Variants in SRC observed in about 807,000 individuals in gnomAD.
SRC encodes proto-oncogene tyrosine-protein kinase Src.
In SRC, 13 loss-of-function variants were observed where a neutral mutation model predicts 62.9. That is an observed-to-expected ratio of 0.21 (90% CI 0.13 to 0.33). The LOEUF (loss-of-function observed/expected upper bound fraction) is 0.33. Ranked by LOEUF, SRC falls within the 10% of genes least tolerant of loss-of-function variation. The probability of loss-of-function intolerance (pLI) is 1.00; values close to 1 mark genes in which losing one functional copy is unlikely to be tolerated. For synonymous variants in SRC, 302 were observed against 317.5 expected (o/e 0.95, Z 0.52); for missense variants, 457 against 737.3 (o/e 0.62, Z 4.40).
Position 37,400,126 on chromosome 20 carries a change from G to A in SRC, c.871G>A (p.Gly291Ser), listed in dbSNP as rs1340705473. 7 of 1,608,374 alleles carry A rather than the reference G, an allele frequency of 4.4e-6. No individual in the cohort carries two copies. Among genetic ancestry groups the A allele is most frequent in the Admixed American group, 3.4e-5 (2 of 59,630 alleles). The change falls in exon 10 of 14, where the codon GGT (glycine) becomes AGT (serine). Residue 291 changes from glycine (G) to serine (S), a missense_variant. Around this residue, in one of 4 missense-constraint regions of SRC, gnomAD observed 168 missense variants for 357.8 expected, o/e 0.47. Coordinates refer to ENST00000373578, the MANE Select transcript of SRC (RefSeq NM_198291.3). ...FGEVWMGTWN[G>S]TTRVAIKTLK... The stretch of plus-strand genomic sequence containing the variant: ...TCCCTCCTCAACAGGGACCTGGAAC[G>A]GTACCACCAGGGTGGCCATCAAAAC...
At chr20:37,387,615 C>T (rs1487902915) in intron 5 of SRC, among the ~76,000 whole-genome samples, 7 of 152,208 alleles carry the variant, frequency 4.6e-5, no homozygotes, top group Non-Finnish European at 7.3e-5. Context: ...AGTCCTGGTG[C>T]GAAGCTACAG....
intron 1 of SRC, among the ~76,000 whole-genome samples, chr20:37,359,234 C>A (rs1278737344): frequency 1.3e-5 from 2 of 152,222 alleles, no homozygotes; most frequent in Non-Finnish European, 1.5e-5. Context: ...GGGGCCCATC[C>A]GTCGGTCTAT....
chr20:37,379,942 TAAAAA>T (rs57772720), intron 2 of SRC, among the ~76,000 whole-genome samples: 2 of 51,464 alleles, frequency 3.9e-5, no homozygotes, highest in Admixed American at 2.5e-4. Context: ...GAGCTTGGAG[TAAAAA>T]AAAAAAAAAA....
In SRC at chr20:37,397,874, C is replaced by T. The variant is rs915984792; in HGVS notation, c.859+20C>T. On this transcript the variant is annotated intron_variant, in intron 9 of 13. Coordinates refer to ENST00000373578, the MANE Select transcript of SRC (RefSeq NM_198291.3). The surrounding 1 kb of genome is among the most constrained non-coding windows in gnomAD (Gnocchi z 4.1). Reference sequence around the variant, plus strand: ...GGATGGGTAAGGCCTGGCCCCTGCCCTCGGGAGAGGCATCCACCCCCCACC... The same window carrying T: ...GGATGGGTAAGGCCTGGCCCCTGCCTTCGGGAGAGGCATCCACCCCCCACC... 3.1e-6 allele frequency: 5 copies of T among 1,598,674 alleles called. No homozygotes were observed. Among genetic ancestry groups the T allele is most frequent in the Non-Finnish European group, 4.3e-6 (5 of 1,174,670 alleles).
rs764712270 is a variant in SRC, at chr20:37,384,221, A to C, written c.68A>C (p.Asn23Thr). ...QRRRSLEPAENVHGAGGGAFP... is the reference protein window; with the variant it reads ...QRRRSLEPAETVHGAGGGAFP... ...CGCCGCAGCCTGGAGCCCGCCGAGA[A>C]CGTGCACGGCGCTGGCGGGGGCGCT... The change falls in exon 4 of 14, where the codon AAC becomes ACC. Residue 23 changes from asparagine to threonine, a missense_variant. Asn to Thr is a moderately conservative substitution (Grantham distance 65). Around this residue, in one of 4 missense-constraint regions of SRC, gnomAD observed 132 missense variants for 135.4 expected, o/e 0.98. Coordinates refer to ENST00000373578, the MANE Select transcript of SRC (RefSeq NM_198291.3). The surrounding 1 kb of genome is among the most constrained non-coding windows in gnomAD (Gnocchi z 6.7). 1.1e-5 allele frequency: 17 copies of C among 1,594,674 alleles called. No homozygotes were observed. The South Asian group carries it at 1.9e-4, about 18-fold the overall frequency.
chr20:37,370,637 T>A (rs1334252210), intron 2 of SRC, among the ~76,000 whole-genome samples: 1 of 152,244 alleles, frequency 6.6e-6, no homozygotes, highest in African/African-American at 2.4e-5. Flanking sequence ...TGGCATCTAA[T>A]TCTTTTCATA....
intron 4 of SRC, among the ~76,000 whole-genome samples, chr20:37,385,243 G>A (rs1016741005): frequency 6.6e-6 from 1 of 152,160 alleles, no homozygotes; most frequent in Non-Finnish European, 1.5e-5. Flanking sequence ...CAGGTGCATC[G>A]AGAACATGAG....
At chr20:37,387,752 G>A (rs1045866600) in intron 5 of SRC, among the ~76,000 whole-genome samples, 1 of 152,186 alleles carries the variant, frequency 6.6e-6, no homozygotes, top group Non-Finnish European at 1.5e-5. Flanking sequence ...AGTGGCGGGT[G>A]CCCAGCAGGT....
intron 2 of SRC, among the ~76,000 whole-genome samples, chr20:37,376,931 G>T (rs1176459763): frequency 1.3e-5 from 2 of 152,218 alleles, no homozygotes; most frequent in African/African-American, 4.8e-5. Flanking sequence ...TGGCACAGTG[G>T]GCGGGGTACC....
intron 1 of SRC, among the ~76,000 whole-genome samples, chr20:37,360,053 T>A (rs2069943608): frequency 6.6e-6 from 1 of 151,988 alleles, no homozygotes. Flanking sequence ...TTCTATCCCA[T>A]CCTATCTTGT....
At chr20:37,344,784 C>T (rs2069695714), upstream of SRC, 1 of 152,324 alleles carries the variant, frequency 6.6e-6, no homozygotes, top group African/African-American at 2.4e-5. Context: ...CAGTTTATCA[C>T]CGCAAGAGCT....
chr20:37,403,146 TC>T lies in SRC; in HGVS notation c.1403-21del. On this transcript the variant is annotated intron_variant, in intron 13 of 13. Transcript: ENST00000373578. The surrounding 1 kb of genome is among the most constrained non-coding windows in gnomAD (Gnocchi z 7.1). ...CCCACTTTCCTCACCGGAGCCGGGC[TC>T]CCCATGCCTCGCTCTGCCCACAGGG... The T allele has an allele frequency of 6.6e-7, 1 of 1,512,866 alleles. No individual in the cohort carries two copies. 93.7% of individuals were successfully genotyped at this position (1,512,866 alleles called of 1,614,324 possible).
Position 37,384,828 on chromosome 20 carries a change from TG to T in SRC, c.250+428del, listed in dbSNP as rs2070426486. ...GAACGGGGCACCGGATGGCCCCGGT[TG>T]GGCCCGCGCCAGGATGCGCCCCTGC... On this transcript the variant is annotated intron_variant, in intron 4 of 13. Transcript: ENST00000373578. This position sits in a 1 kb window ranked among gnomAD's most constrained non-coding sequence, Gnocchi z 6.7. 6.6e-6 allele frequency among the ~76,000 whole-genome samples: 1 copy of T among 152,286 alleles called. No individual in the cohort carries two copies. Among genetic ancestry groups the T allele is most frequent in the East Asian group, 1.9e-4 (1 of 5,168 alleles).
intron 2 of SRC, among the ~76,000 whole-genome samples, chr20:37,367,630 A>T (rs1300193890): frequency 6.7e-6 from 1 of 150,142 alleles, no homozygotes; most frequent in African/African-American, 2.5e-5. Flanking sequence ...GCATGCCACC[A>T]TGCCTGACTT....
At chr20:37,368,034 G>A (rs1226337090) in intron 2 of SRC, among the ~76,000 whole-genome samples, 1 of 152,148 alleles carries the variant, frequency 6.6e-6, no homozygotes, top group Non-Finnish European at 1.5e-5. Context: ...TTTTCTTGAT[G>A]TTGTTCTTTG....
chr20:37,361,576 A>G (rs888438679), intron 1 of SRC, among the ~76,000 whole-genome samples: 1 of 152,206 alleles, frequency 6.6e-6, no homozygotes, highest in Non-Finnish European at 1.5e-5. Flanking sequence ...TTCCCAAAGC[A>G]GCTGGCAGGG....
At position 37,397,876 on chromosome 20, in the gene SRC, C is replaced by A. The variant is rs374063776; in HGVS notation, c.859+22C>A. On this transcript the variant is annotated intron_variant, in intron 9 of 13. Transcript: ENST00000373578. This position sits in a 1 kb window ranked among gnomAD's most constrained non-coding sequence, Gnocchi z 4.1. Reference sequence around the variant, plus strand: ...ATGGGTAAGGCCTGGCCCCTGCCCTCGGGAGAGGCATCCACCCCCCACCCC... The same window carrying A: ...ATGGGTAAGGCCTGGCCCCTGCCCTAGGGAGAGGCATCCACCCCCCACCCC... The A allele has an allele frequency of 6.3e-7, 1 of 1,596,590 alleles. No individual in the cohort carries two copies. Among genetic ancestry groups the A allele is most frequent in the East Asian group, 2.3e-5 (1 of 43,932 alleles).
At chr20:37,392,330 C>A (rs966141460) in intron 5 of SRC, among the ~76,000 whole-genome samples, 4 of 152,214 alleles carry the variant, frequency 2.6e-5, no homozygotes, top group Admixed American at 6.5e-5. Context: ...CTGGAGAGCT[C>A]CCCAAGCCCT....
At chr20:37,359,870 G>A (rs568716090) in intron 1 of SRC, among the ~76,000 whole-genome samples, 2 of 152,052 alleles carry the variant, frequency 1.3e-5, no homozygotes, top group Non-Finnish European at 2.9e-5. Context: ...CTCAGTCTGG[G>A]CGTAGTTATT....
Sources: gnomAD v4.1 joint callset for allele counts (sites outside exome capture counted in the v4.1 genomes callset) on GRCh38, gnomAD v4.1.1 for gene constraint, gnomAD v4.1.1 regional missense constraint, Gnocchi (gnomAD v3.1) non-coding constraint, MANE v1.5 for transcripts, NCBI Gene and HGNC (gene_info 2026-07-23, HGNC 2026-07-21) for gene names.